The following OR2J3 variants were observed in gnomAD, a reference collection of about 807,000 sequenced individuals.
OR2J3 encodes olfactory receptor family 2 subfamily J member 3, also known as olfactory receptor 2J3.
Under a neutral mutation model 18.5 loss-of-function variants are expected in OR2J3, and 13 were observed. The observed-to-expected ratio is 0.70, with a 90% CI of 0.46 to 1.12. OR2J3 has a LOEUF of 1.12. Ranked by LOEUF, OR2J3 falls within the 50% of genes most tolerant of loss-of-function variation. The pLI is 0.00. For synonymous variants in OR2J3, 142 were observed against 140.6 expected, an observed-to-expected ratio of 1.01 and a Z score of -0.07; for missense variants, 321 against 371.6, an observed-to-expected ratio of 0.86 and a Z score of 1.12.
At position 29,112,718 on chromosome 6, in the gene OR2J3, C is replaced by A; in HGVS notation, c.828C>A (p.Phe276Leu). The change falls in exon 4 of 4, where the codon TTC (phenylalanine) becomes TTA (leucine). Residue 276 changes from phenylalanine (F) to leucine (L), a missense_variant. Transcript: ENST00000641151. The part of the protein sequence containing the change: ...PSGNSQDQGK[F>L]IALFYTVVTP... Reference sequence around the variant, plus strand: ...GAAATTCTCAAGATCAAGGCAAGTTCATTGCCCTCTTTTATACTGTTGTCA... The same window carrying A: ...GAAATTCTCAAGATCAAGGCAAGTTAATTGCCCTCTTTTATACTGTTGTCA... 1 of 1,614,076 alleles carries A rather than the reference C, an allele frequency of 6.2e-7. No homozygotes were observed. The highest frequency in any genetic ancestry group is 8.5e-7 in the Non-Finnish European group (1 of 1,179,988).
intron 3 of OR2J3, chr6:29,111,604 A>G (rs1438259002): frequency 2.9e-6 from 1 of 340,884 alleles, no homozygotes; most frequent in Non-Finnish European, 5.3e-6. Flanking sequence ...TGTTTTTCTT[A>G]ACACCGTCAC....
rs534597861 is a variant in OR2J3, at chr6:29,108,199, A to G, written c.-277A>G. 1 of 152,186 alleles carries G rather than the reference A, an allele frequency of 6.6e-6. No individual in the cohort carries two copies. Among genetic ancestry groups the G allele is most frequent in the Non-Finnish European group, 1.5e-5 (1 of 68,048 alleles). The allele number at this position is 152,186 out of a possible 1,614,324, so 9.4% of individuals were successfully genotyped here. ...CAGAGATCAGATCAGTCTGTGCATG[A>G]TGAGGGCATCAGCTAGGAAGACAAT... On this transcript the variant is annotated 5_prime_UTR_variant, in exon 1 of 4. An upstream start codon of the reference 5' UTR is lost. Transcript: ENST00000641151.
rs1219798913 is a variant in OR2J3 at position 29,111,995 on chromosome 6, G to A, written c.105G>A (p.Leu35=). ...HLEVVIFVVV[L]IFYLMTLIGN... is the part of the protein sequence containing the mutation. ...AAGTAGTTATCTTTGTGGTTGTCTT[G>A]ATCTTCTACTTGATGACACTGATAG... The change falls in exon 4 of 4, where the codon TTG becomes TTA. Residue 35 remains leucine, a synonymous_variant. Transcript: ENST00000641151. 6.2e-7 allele frequency: 1 copy of A among 1,614,014 alleles called. No individual in the cohort carries two copies. The highest frequency in any genetic ancestry group is 1.1e-5 in the South Asian group (1 of 91,078).
In OR2J3 at chr6:29,114,405, A is replaced by G. The variant is rs1476586360; in HGVS notation, c.*1579A>G. On this transcript the variant is annotated 3_prime_UTR_variant, in exon 4 of 4. Coordinates refer to ENST00000641151, the MANE Select transcript of OR2J3 (RefSeq NM_001005216.4). ...CTATGGAAATCTTACGATTTGGAGC[A>G]CTTACGGTAGCATCCTGGTTTCTCA... 6.6e-6 allele frequency: 1 copy of G among 151,338 alleles called. No homozygotes were observed. Among genetic ancestry groups the G allele is most frequent in the African/African-American group, 2.4e-5 (1 of 41,258 alleles). The allele number at this position is 151,338 out of a possible 1,614,324, so 9.4% of individuals were successfully genotyped here. A position where few individuals can be genotyped will look rare whatever the true frequency, so the allele number is the denominator to read the frequency against.
Position 29,112,245 on chromosome 6 carries a change from G to A in OR2J3, c.355G>A (p.Val119Met). The change falls in exon 4 of 4, where the codon GTG (valine) becomes ATG (methionine). Residue 119 changes from valine (V) to methionine (M), a missense_variant. Val to Met is a conservative substitution (Grantham distance 21, BLOSUM62 1). Transcript: ENST00000641151. ...GGGAACCACAGAGTGTGTCCTACTG[G>A]TGGTGATGTCCTATGACCGTTATGC... ...ALGTTECVLLVVMSYDRYAAV... is the reference protein window; with the variant it reads ...ALGTTECVLLMVMSYDRYAAV... 1.9e-6 allele frequency: 3 copies of A among 1,614,092 alleles called. No individual in the cohort carries two copies. The highest frequency in any genetic ancestry group is 2.5e-6 in the Non-Finnish European group (3 of 1,180,020).
rs745385616 is a variant in OR2J3, at chr6:29,112,811, A to G, written c.921A>G (p.Leu307=). 6.2e-7 allele frequency: 1 copy of G among 1,612,980 alleles called. No homozygotes were observed. Among genetic ancestry groups the G allele is most frequent in the Non-Finnish European group, 8.5e-7 (1 of 1,179,376 alleles). Residue 307 remains leucine (L), a synonymous_variant, in exon 4 of 4, where the codon CTA becomes CTG. Transcript: ENST00000641151. ...NKVVRGAVKR[L]MGWE ...TTGTAAGAGGGGCAGTGAAGAGACT[A>G]ATGGGGTGGGAATGAGCCTGTGTAT...
chr6:29,111,844 T>C (rs1050102805), intron 3 of OR2J3, 37 bp from the exon 4 acceptor site: 13 of 1,536,902 alleles, frequency 8.5e-6, no homozygotes, highest in Non-Finnish European at 1.1e-5. Context: ...ATTTGTTTAC[T>C]CGTTTTTTGA....
At position 29,114,361 on chromosome 6, in the gene OR2J3, C is replaced by T. The variant is rs1448678627; in HGVS notation, c.*1535C>T. On this transcript the variant is annotated 3_prime_UTR_variant, in exon 4 of 4. Transcript: ENST00000641151. ...TAAAAACTTAAAGAACATAACTTCG[C>T]CCTTTGAACTGTTTTCTACTATGGA... The T allele has an allele frequency of 2.0e-5, 3 of 151,942 alleles. No individual in the cohort carries two copies. The allele number at this position is 151,942 out of a possible 1,614,324, so 9.4% of individuals were successfully genotyped here.
rs1205288895 is a variant in OR2J3 at position 29,113,796 on chromosome 6, T to C, written c.*970T>C. On this transcript the variant is annotated 3_prime_UTR_variant, in exon 4 of 4. Transcript: ENST00000641151. Reference sequence around the variant, plus strand: ...ATGGTTAATAAGTATATTATGTATGTCAATATATGTGTTTCAAATAAAGAA... The same window carrying C: ...ATGGTTAATAAGTATATTATGTATGCCAATATATGTGTTTCAAATAAAGAA... 2 of 152,202 alleles carry C rather than the reference T, an allele frequency of 1.3e-5. No homozygotes were observed. The highest frequency in any genetic ancestry group is 2.1e-4 in the South Asian group (1 of 4,838). 9.4% of individuals were successfully genotyped at this position (152,202 alleles called of 1,614,324 possible). A position where few individuals can be genotyped will look rare whatever the true frequency, so the allele number is the denominator to read the frequency against.
chr6:29,114,503 C>T lies in OR2J3; in HGVS notation c.*1677C>T, dbSNP rs932140050. The T allele has an allele frequency of 4.8e-5, 7 of 144,690 alleles. No homozygotes were observed. The highest frequency in any genetic ancestry group is 1.1e-4 in the Non-Finnish European group (7 of 66,252). 9.0% of individuals were successfully genotyped at this position (144,690 alleles called of 1,614,324 possible). ...AAAAAATGTATTTATTTATAATATA[C>T]AGCATAATGTTTTGACATATGCATA... On this transcript the variant is annotated 3_prime_UTR_variant, in exon 4 of 4. Coordinates refer to ENST00000641151, the MANE Select transcript of OR2J3 (RefSeq NM_001005216.4).
chr6:29,108,998 T>TTTA (rs1477642572), intron 3 of OR2J3, 123 bp downstream of exon 3: 8 of 152,206 alleles, frequency 5.3e-5, no homozygotes, highest in Non-Finnish European at 7.3e-5. Context: ...TTTTAGTTAA[T>TTTA]GTAATAAATT....
At position 29,111,956 on chromosome 6, in the gene OR2J3, T is replaced by C. The variant is rs186761827; in HGVS notation, c.66T>C (p.Asn22=). The stretch of plus-strand genomic sequence containing the variant: ...ACTTTATTTTAGTTGGATTTTCTAA[T>C]TGGCCTCATCTGGAAGTAGTTATCT... ...EGYFILVGFS[N]WPHLEVVIFV... The change falls in exon 4 of 4, where the codon AAT becomes AAC. Residue 22 remains asparagine (N), a synonymous_variant. Coordinates refer to ENST00000641151, the MANE Select transcript of OR2J3 (RefSeq NM_001005216.4). 3.1e-4 allele frequency: 508 copies of C among 1,614,094 alleles called. 3 individuals are homozygous for C. The highest frequency in any genetic ancestry group is 1.9e-3 in the Admixed American group (117 of 60,008).
In OR2J3 at chr6:29,112,220, G is replaced by A; in HGVS notation, c.330G>A (p.Leu110=). The A allele has an allele frequency of 6.2e-7, 1 of 1,614,102 alleles. No individual in the cohort carries two copies. Among genetic ancestry groups the A allele is most frequent in the Non-Finnish European group, 8.5e-7 (1 of 1,180,016 alleles). Residue 110 remains leucine (L), a synonymous_variant, in exon 4 of 4, where the codon CTG becomes CTA. Coordinates refer to ENST00000641151, the MANE Select transcript of OR2J3 (RefSeq NM_001005216.4). ...CMIQLYFVLA[L]GTTECVLLVV... ...TTCAACTTTACTTTGTTCTCGCACT[G>A]GGAACCACAGAGTGTGTCCTACTGG...
chr6:29,112,957 G>C lies in OR2J3; in HGVS notation c.*131G>C. 1 of 1,136,510 alleles carries C rather than the reference G, an allele frequency of 8.8e-7. No individual in the cohort carries two copies. Among genetic ancestry groups the C allele is most frequent in the South Asian group, 1.7e-5 (1 of 60,024 alleles). 70.4% of individuals were successfully genotyped at this position (1,136,510 alleles called of 1,614,324 possible). A position where few individuals can be genotyped will look rare whatever the true frequency, so the allele number is the denominator to read the frequency against. ...CTTGCTGAGCATGTACTCTAACAAG[G>C]TCGTGGAGTTCCTGGTAACAGGTAG... is the stretch of plus-strand genomic sequence containing the variant. On this transcript the variant is annotated 3_prime_UTR_variant, in exon 4 of 4. Transcript: ENST00000641151.
Position 29,112,103 on chromosome 6 carries a change from T to G in OR2J3, c.213T>G (p.Phe71Leu), listed in dbSNP as rs1201773216. 6 of 1,614,138 alleles carry G rather than the reference T, an allele frequency of 3.7e-6. No individual in the cohort carries two copies. Among genetic ancestry groups the G allele is most frequent in the Non-Finnish European group, 5.1e-6 (6 of 1,180,032 alleles). The part of the protein sequence containing the change: ...PMYFFLSNLS[F>L]LDLCYTTSSI... ...ACTTCTTCCTTTCAAACCTCTCATT[T>G]CTGGATCTCTGCTACACCACCAGCT... Residue 71 changes from phenylalanine to leucine, a missense_variant, in exon 4 of 4, where the codon TTT (phenylalanine) becomes TTG (leucine). Coordinates refer to ENST00000641151, the MANE Select transcript of OR2J3 (RefSeq NM_001005216.4).
At chr6:29,110,855 T>TTATC (rs9280546) in intron 3 of OR2J3, among the ~76,000 whole-genome samples, 18,033 of 149,142 alleles carry the variant, frequency 0.12, 1,126 homozygotes, top group East Asian at 0.2. Flanking sequence ...ATCTATCTAT[T>TTATC]TATCTATCTA....
Position 29,114,026 on chromosome 6 carries a change from T to C in OR2J3, c.*1200T>C, listed in dbSNP as rs1037439702. 1 of 152,208 alleles carries C rather than the reference T, an allele frequency of 6.6e-6. No homozygotes were observed. The highest frequency in any genetic ancestry group is 2.4e-5 in the African/African-American group (1 of 41,454). 9.4% of individuals were successfully genotyped at this position (152,208 alleles called of 1,614,324 possible). On this transcript the variant is annotated 3_prime_UTR_variant, in exon 4 of 4. Transcript: ENST00000641151. Reference sequence around the variant, plus strand: ...TAACTCAAATGTCAGCTGTAGCTTTTGAGGCCTGTGAGATTTAGATATGAT... The same window carrying C: ...TAACTCAAATGTCAGCTGTAGCTTTCGAGGCCTGTGAGATTTAGATATGAT...
rs185359468 is a variant in OR2J3 at position 29,113,433 on chromosome 6, T to C, written c.*607T>C. Reference sequence around the variant, plus strand: ...TAGTAAGAGAGGCTTTGAAACAGTATAGCAGAAGTCAGCATCTGAGATCCC... The same window carrying C: ...TAGTAAGAGAGGCTTTGAAACAGTACAGCAGAAGTCAGCATCTGAGATCCC... On this transcript the variant is annotated 3_prime_UTR_variant, in exon 4 of 4. Coordinates refer to ENST00000641151, the MANE Select transcript of OR2J3 (RefSeq NM_001005216.4). 4 of 152,162 alleles carry C rather than the reference T, an allele frequency of 2.6e-5. No individual in the cohort carries two copies. Among genetic ancestry groups the C allele is most frequent in the African/African-American group, 9.6e-5 (4 of 41,480 alleles). The allele number at this position is 152,162 out of a possible 1,614,324, so 9.4% of individuals were successfully genotyped here.
At position 29,113,156 on chromosome 6, in the gene OR2J3, G is replaced by A. The variant is rs559594810; in HGVS notation, c.*330G>A. The A allele has an allele frequency of 3.1e-5, 8 of 261,630 alleles. No individual in the cohort carries two copies. Among genetic ancestry groups the A allele is most frequent in the Non-Finnish European group, 1.4e-5 (2 of 138,388 alleles). The allele number at this position is 261,630 out of a possible 1,614,324, so 16.2% of individuals were successfully genotyped here. On this transcript the variant is annotated 3_prime_UTR_variant, in exon 4 of 4. Transcript: ENST00000641151. ...ATTTGTTGTAAATCTTGATAAAAGCGAAGCTGTAAATCCTATGAAAAGATG... is the reference window on the plus strand; with the variant it reads ...ATTTGTTGTAAATCTTGATAAAAGCAAAGCTGTAAATCCTATGAAAAGATG...
Sources: allele counts gnomAD v4.1 joint callset (sites outside exome capture counted in the v4.1 genomes callset), GRCh38; gene constraint gnomAD v4.1.1; transcripts MANE v1.5; gene names NCBI Gene and HGNC (gene_info 2026-07-23, HGNC 2026-07-21).